RAB14: variants seen among roughly 807,000 people sequenced by gnomAD.
The protein encoded by RAB14 is ras-related protein Rab-14.
In RAB14, 3 loss-of-function variants were observed where a neutral mutation model predicts 31.1. The ratio of observed to expected loss-of-function variants is 0.10; its 90% confidence interval spans 0.04 to 0.25. The LOEUF is 0.25. Ranked by LOEUF, RAB14 falls within the 10% of genes least tolerant of loss-of-function variation. The pLI is 1.00. For synonymous variants in RAB14, 85 were observed against 84.9 expected, an observed-to-expected ratio of 1.00 and a Z score of 0.00; for missense variants, 111 against 260.1, an observed-to-expected ratio of 0.43 and a Z score of 3.94.
In RAB14 at chr9:121,181,464, G is replaced by C; in HGVS notation, c.580C>G (p.Pro194Ala). 6.2e-7 allele frequency: 1 copy of C among 1,613,084 alleles called. No individual in the cohort carries two copies. Among genetic ancestry groups the C allele is most frequent in the Non-Finnish European group, 8.5e-7 (1 of 1,179,210 alleles). ...AGCCGGCCTCCCTGCGGGGCTGAAG[G>C]TTTGTGTTGTACACCAGACTCAGCA... is the stretch of plus-strand genomic sequence containing the variant. Reference protein sequence around the residue: ...NAAESGVQHKPSAPQGGRLTS... With the variant: ...NAAESGVQHKASAPQGGRLTS... Residue 194 changes from proline (P) to alanine (A), a missense_variant, in exon 8 of 8, where the codon CCT (proline) becomes GCT (alanine). By Grantham distance (27) the Pro-to-Ala change is conservative. Coordinates refer to ENST00000373840, the MANE Select transcript of RAB14 (RefSeq NM_016322.4).
intron 1 of RAB14, 114 bp from the exon 2 acceptor site, chr9:121,193,533 G>A: frequency 1.5e-6 from 1 of 666,520 alleles, no homozygotes; most frequent in Non-Finnish European, 2.6e-6. Context: ...ACAAATGTTG[G>A]TTACAGTAAG....
At chr9:121,199,950 G>A (rs2053747751) in intron 1 of RAB14, among the ~76,000 whole-genome samples, 1 of 152,194 alleles carries the variant, frequency 6.6e-6, no homozygotes, top group African/African-American at 2.4e-5. Flanking sequence ...CACCCACTAT[G>A]TGCCTGGCAC....
At chr9:121,188,327 C>G (rs1344264673) in intron 4 of RAB14, among the ~76,000 whole-genome samples, 3 of 151,906 alleles carry the variant, frequency 2.0e-5, no homozygotes, top group Non-Finnish European at 4.4e-5. Context: ...AACATTTCTA[C>G]TGACTTTGAT....
At chr9:121,201,214 C>T (rs1339006942) in intron 1 of RAB14, among the ~76,000 whole-genome samples, 2 of 152,216 alleles carry the variant, frequency 1.3e-5, no homozygotes, top group Non-Finnish European at 2.9e-5. Context: ...CTGGGGCTTG[C>T]GGGCTGCAGG....
chr9:121,186,649 AAATT>A (rs1268464000), intron 5 of RAB14, among the ~76,000 whole-genome samples: 1 of 152,156 alleles, frequency 6.6e-6, no homozygotes, highest in Non-Finnish European at 1.5e-5. Flanking sequence ...AAGTTTTATG[AAATT>A]AATGCAGATC....
intron 7 of RAB14, among the ~76,000 whole-genome samples, chr9:121,181,862 T>C (rs1056850968): frequency 6.7e-6 from 1 of 149,588 alleles, no homozygotes; most frequent in African/African-American, 2.4e-5. Flanking sequence ...ATTCTCCTGC[T>C]TCAGCCTCCC....
At chr9:121,194,813 T>G (rs1008675536) in intron 1 of RAB14, among the ~76,000 whole-genome samples, 3 of 152,096 alleles carry the variant, frequency 2.0e-5, no homozygotes, top group African/African-American at 7.2e-5. Flanking sequence ...TTAAAACAAG[T>G]GTATTATTAT....
At chr9:121,185,768 C>T (rs2053655658) in intron 5 of RAB14, among the ~76,000 whole-genome samples, 1 of 152,144 alleles carries the variant, frequency 6.6e-6, no homozygotes, top group Non-Finnish European at 1.5e-5. Flanking sequence ...TAGTACTCCA[C>T]TATAGAGATG....
At chr9:121,188,673 T>A (rs890726650) in intron 4 of RAB14, among the ~76,000 whole-genome samples, 3 of 151,984 alleles carry the variant, frequency 2.0e-5, no homozygotes, top group African/African-American at 7.2e-5. Context: ...AAGGGACTTT[T>A]ACGTTTGTAA....
At chr9:121,196,274 C>T (rs940798642) in intron 1 of RAB14, among the ~76,000 whole-genome samples, 1 of 151,828 alleles carries the variant, frequency 6.6e-6, no homozygotes, top group Admixed American at 6.6e-5. Context: ...AGAAAGTATT[C>T]GAATCAAGTT....
intron 1 of RAB14, among the ~76,000 whole-genome samples, chr9:121,197,560 AATGC>A (rs755846692): frequency 6.6e-6 from 1 of 152,202 alleles, no homozygotes; most frequent in Admixed American, 6.5e-5. Context: ...ACAAAAATAG[AATGC>A]ATGGTTTCTA....
At chr9:121,183,771 C>T (rs893714268) in intron 5 of RAB14, among the ~76,000 whole-genome samples, 1 of 152,178 alleles carries the variant, frequency 6.6e-6, no homozygotes, top group African/African-American at 2.4e-5. Context: ...AGGCTGTGGG[C>T]TGAATGTGGC....
chr9:121,185,100 A>G (rs1354358431), intron 5 of RAB14, among the ~76,000 whole-genome samples: 1 of 152,228 alleles, frequency 6.6e-6, no homozygotes, highest in Non-Finnish European at 1.5e-5. Flanking sequence ...GAAAAACTCA[A>G]GAAATTTTTT....
chr9:121,191,435 T>C (rs1025699125), intron 3 of RAB14, among the ~76,000 whole-genome samples: 1 of 152,062 alleles, frequency 6.6e-6, no homozygotes, highest in African/African-American at 2.4e-5. Context: ...ACTTCTGGGT[T>C]CAAGCAAGCC....
chr9:121,198,599 GTTT>G (rs1456860139), intron 1 of RAB14, among the ~76,000 whole-genome samples: 1 of 152,038 alleles, frequency 6.6e-6, no homozygotes, highest in Non-Finnish European at 1.5e-5. Flanking sequence ...TTTTTTGTTT[GTTT>G]TTTAACATGC....
chr9:121,194,094 TCACA>T (rs56303323), intron 1 of RAB14, among the ~76,000 whole-genome samples: 46,841 of 138,982 alleles, frequency 0.34, 8,983 homozygotes, highest in South Asian at 0.56. Context: ...AGATTATCAC[TCACA>T]CACACACACA....
rs778947461 is a variant in RAB14, at chr9:121,181,446, C to T, written c.598G>A (p.Gly200Ser). 1.2e-6 allele frequency: 2 copies of T among 1,611,454 alleles called. No homozygotes were observed. The highest frequency in any genetic ancestry group is 1.1e-5 in the South Asian group (1 of 90,926). Reference sequence around the variant, plus strand: ...GGTTGGGGTTCACTGGTTAGCCGGCCTCCCTGCGGGGCTGAAGGTTTGTGT... The same window carrying T: ...GGTTGGGGTTCACTGGTTAGCCGGCTTCCCTGCGGGGCTGAAGGTTTGTGT... ...VQHKPSAPQG[G>S]RLTSEPQPQR... Residue 200 changes from glycine to serine, a missense_variant, in exon 8 of 8, where the codon GGC (glycine) becomes AGC (serine). By Grantham distance (56) the Gly-to-Ser change is moderately conservative. Transcript: ENST00000373840.
chr9:121,197,638 T>C (rs1395457093), intron 1 of RAB14, among the ~76,000 whole-genome samples: 6 of 152,188 alleles, frequency 3.9e-5, no homozygotes, highest in Non-Finnish European at 8.8e-5. Flanking sequence ...TTGAAACATG[T>C]AGGTACAGAT....
chr9:121,199,408 G>C (rs549184384), intron 1 of RAB14, among the ~76,000 whole-genome samples: 8 of 152,278 alleles, frequency 5.3e-5, no homozygotes, highest in African/African-American at 1.7e-4. Flanking sequence ...GTTGTCTTTA[G>C]CCATGCCTGG....
Sources: gnomAD v4.1 joint callset for allele counts (sites outside exome capture counted in the v4.1 genomes callset) on GRCh38, gnomAD v4.1.1 for gene constraint, MANE v1.5 for transcripts, NCBI Gene and HGNC (gene_info 2026-07-23, HGNC 2026-07-21) for gene names.